Variants in SPTB observed in about 807,000 individuals in gnomAD.
SPTB encodes the protein spectrin beta, erythrocytic, also known as spectrin beta chain, erythrocytic.
Under a neutral mutation model 256.2 loss-of-function variants are expected in SPTB, and 45 were observed. That is an observed-to-expected ratio of 0.18 (90% CI 0.14 to 0.23). The LOEUF is 0.23. Among genes scored for constraint, SPTB ranks in the 10% least tolerant of loss-of-function variants. The probability of loss-of-function intolerance (pLI) is 1.00; values close to 1 mark genes in which losing one functional copy is unlikely to be tolerated. For missense variants in SPTB, 2,715 were observed against 3,040.4 expected, an observed-to-expected ratio of 0.89 and a Z score of 2.52; for synonymous variants, 1,231 against 1,243.1, an observed-to-expected ratio of 0.99 and a Z score of 0.21.
chr14:64,800,936 A>G, intron 7 of SPTB, 68 bp from the exon 8 acceptor site: 2 of 1,193,880 alleles, frequency 1.7e-6, no homozygotes, highest in Non-Finnish European at 2.5e-6. Context: ...CAGAGGGTTT[A>G]TTCCCCATTC....
chr14:64,793,380 G>T lies in SPTB; in HGVS notation c.2283C>A (p.Asp761Glu). ...CTTCACCAGAGAGCAGCCGGTGGGC[G>T]TCTTGCAGCCAAGCCTTCAGGTCAT... ...DADDLKAWLQ[D>E]AHRLLSGEDV... is the part of the protein sequence containing the mutation. The change falls in exon 14 of 36, where the codon GAC becomes GAA. Residue 761 changes from aspartate to glutamate, a missense_variant. Physicochemically the swap from Asp to Glu is conservative, Grantham distance 45. Around this residue, in one of 4 missense-constraint regions of SPTB, gnomAD observed 2,239 missense variants for 2,384.4 expected, o/e 0.94. Coordinates refer to ENST00000644917, the MANE Select transcript of SPTB (RefSeq NM_001355436.2). The surrounding 1 kb of genome is among the most constrained non-coding windows in gnomAD (Gnocchi z 7.0). The T allele has an allele frequency of 6.2e-7, 1 of 1,612,858 alleles. No homozygotes were observed. The highest frequency in any genetic ancestry group is 8.5e-7 in the Non-Finnish European group (1 of 1,180,036).
chr14:64,801,211 G>T, intron 7 of SPTB, 74 bp downstream of exon 7: 1 of 1,335,284 alleles, frequency 7.5e-7, no homozygotes, highest in Non-Finnish European at 1.1e-6. Context: ...AGTCCTGGCG[G>T]CTGAGCTCCT....
chr14:64,867,056 T>C (rs1594857833), intron 1 of SPTB, among the ~76,000 whole-genome samples: 2 of 152,166 alleles, frequency 1.3e-5, no homozygotes, highest in Non-Finnish European at 2.9e-5. Flanking sequence ...GCAATAGACA[T>C]ATCTGACGAT....
At chr14:64,848,438 T>C (rs1400188623) in intron 1 of SPTB, among the ~76,000 whole-genome samples, 1 of 152,238 alleles carries the variant, frequency 6.6e-6, no homozygotes, top group Admixed American at 6.5e-5. Context: ...CCTCATCGTT[T>C]CTCTCTTGCT....
At position 64,782,434 on chromosome 14, in the gene SPTB, G is replaced by A; in HGVS notation, c.4122C>T (p.His1374=). 2 of 1,614,134 alleles carry A rather than the reference G, an allele frequency of 1.2e-6. No homozygotes were observed. Among genetic ancestry groups the A allele is most frequent in the South Asian group, 1.1e-5 (1 of 91,092 alleles). ...GGTCGGAGCTCCTGGCAGCCGAGAGGTGCTGGGTCTTCTCCTTTGTGGTGG... is the reference window on the plus strand; with the variant it reads ...GGTCGGAGCTCCTGGCAGCCGAGAGATGCTGGGTCTTCTCCTTTGTGGTGG... ...LQATTKEKTQ[H]LSAARSSDLR... The change falls in exon 20 of 36, where the codon CAC becomes CAT. Residue 1374 remains histidine, a synonymous_variant. Coordinates refer to ENST00000644917, the MANE Select transcript of SPTB (RefSeq NM_001355436.2).
intron 2 of SPTB, among the ~76,000 whole-genome samples, chr14:64,813,920 G>A (rs1225664079): frequency 1.3e-5 from 2 of 152,202 alleles, no homozygotes; most frequent in Non-Finnish European, 2.9e-5. Flanking sequence ...CAGACTCTCA[G>A]GGACACATCA....
In SPTB at chr14:64,749,506, G is replaced by T; in HGVS notation, c.6820-33C>A. The T allele has an allele frequency of 1.9e-6, 3 of 1,597,784 alleles. No homozygotes were observed. The highest frequency in any genetic ancestry group is 2.5e-6 in the Non-Finnish European group (3 of 1,177,668). On this transcript the variant is annotated intron_variant, in intron 35 of 35. Transcript: ENST00000644917. The surrounding 1 kb of genome is among the most constrained non-coding windows in gnomAD (Gnocchi z 4.7). Reference sequence around the variant, plus strand: ...GCGGAGGGTCACGGTGGAGTCTGGAGGCCCACAGCCCCCCACCTCCCGGGC... The same window carrying T: ...GCGGAGGGTCACGGTGGAGTCTGGATGCCCACAGCCCCCCACCTCCCGGGC...
chr14:64,797,416 G>A (rs922334559), intron 10 of SPTB, among the ~76,000 whole-genome samples: 8 of 134,690 alleles, frequency 5.9e-5, no homozygotes, highest in African/African-American at 2.2e-4. Flanking sequence ...GCAGTGAGCT[G>A]TGATTGTGCC....
At chr14:64,771,238 CT>C (rs2082274521) in intron 26 of SPTB, 109 bp from the exon 27 acceptor site, 4 of 1,551,506 alleles carry the variant, frequency 2.6e-6, no homozygotes, top group Non-Finnish European at 3.5e-6. Context: ...GCCCAGGGCA[CT>C]GCTGGAAGGT....
intron 9 of SPTB, 44 bp from the exon 10 acceptor site, chr14:64,797,890 T>G (rs1296264695): frequency 6.6e-7 from 1 of 1,506,876 alleles, no homozygotes; most frequent in Admixed American, 1.7e-5. Context: ...TAAGATCTCA[T>G]GGCCAAATTT....
chr14:64,803,063 T>C (rs1332063227), intron 4 of SPTB, among the ~76,000 whole-genome samples: 1 of 152,042 alleles, frequency 6.6e-6, no homozygotes, highest in Non-Finnish European at 1.5e-5. Flanking sequence ...AGTCCGCGAG[T>C]TGTATGCTCT....
chr14:64,833,465 T>C (rs369330263), intron 1 of SPTB, among the ~76,000 whole-genome samples: 1 of 151,862 alleles, frequency 6.6e-6, no homozygotes, highest in African/African-American at 2.4e-5. Context: ...GGTGGGAGAA[T>C]TACTTGAACC....
chr14:64,765,814 GTGTGTGA>G (rs2082162054), intron 32 of SPTB, among the ~76,000 whole-genome samples: 19 of 148,122 alleles, frequency 1.3e-4, no homozygotes, highest in South Asian at 4.3e-4. Context: ...GGGTGTGTGT[GTGTGTGA>G]GTGTGTGTGT....
chr14:64,767,887 C>G, intron 29 of SPTB, 28 bp from the exon 30 acceptor site: 1 of 1,611,206 alleles, frequency 6.2e-7, no homozygotes, highest in South Asian at 1.1e-5. Flanking sequence ...ACACAGACCC[C>G]CCACAAGGCC....
Position 64,844,964 on chromosome 14 carries a change from C to T in SPTB, c.-51-21819G>A, listed in dbSNP as rs368163804. Among the ~76,000 whole-genome samples the T allele has an allele frequency of 6.6e-6, 1 of 152,212 alleles. No homozygotes were observed. The highest frequency in any genetic ancestry group is 1.9e-4 in the East Asian group (1 of 5,204). ...ATTGTTAACCTGACCAGAAATAAGA[C>T]CCAGAATCTCAAGTCTTTGAGCTCT... On this transcript the variant is annotated intron_variant, in intron 1 of 35. Transcript: ENST00000644917. The surrounding 1 kb of genome is among the most constrained non-coding windows in gnomAD (Gnocchi z 4.1).
At chr14:64,767,068 C>T (rs545924993) in intron 31 of SPTB, among the ~76,000 whole-genome samples, 27 of 152,328 alleles carry the variant, frequency 1.8e-4, no homozygotes, top group African/African-American at 5.8e-4. Context: ...GGGGCCTCGC[C>T]TGGCAGCCAC....
At position 64,866,488 on chromosome 14, in the gene SPTB, AC is replaced by A. The variant is rs954414006; in HGVS notation, c.-52+13303del. ...CCTTCCGCTTATCAGTTCATCTCAG[AC>A]CCCACCACATACTCAGAGGCCTCGT... On this transcript the variant is annotated intron_variant, in intron 1 of 35. Transcript: ENST00000644917. This position sits in a 1 kb window ranked among gnomAD's most constrained non-coding sequence, Gnocchi z 4.6. Among the ~76,000 whole-genome samples the A allele has an allele frequency of 6.6e-5, 10 of 151,698 alleles. No homozygotes were observed. Among genetic ancestry groups the A allele is most frequent in the African/African-American group, 2.4e-4 (10 of 41,240 alleles).
In SPTB at chr14:64,790,683, T is replaced by C. The variant is rs955643971; in HGVS notation, c.2804+1036A>G. The stretch of plus-strand genomic sequence containing the variant: ...TCTTCCCTAGGCCCACCTCCCAGAT[T>C]GCCTCAGGCAGAGCAACGCTCAGGC... On this transcript the variant is annotated intron_variant, in intron 15 of 35. Coordinates refer to ENST00000644917, the MANE Select transcript of SPTB (RefSeq NM_001355436.2). The surrounding 1 kb of genome is among the most constrained non-coding windows in gnomAD (Gnocchi z 4.8). 2.0e-5 allele frequency among the ~76,000 whole-genome samples: 3 copies of C among 152,196 alleles called. No homozygotes were observed. The highest frequency in any genetic ancestry group is 4.4e-5 in the Non-Finnish European group (3 of 68,024).
In SPTB at chr14:64,773,260, G is replaced by A. The variant is rs778444104; in HGVS notation, c.5138C>T (p.Ala1713Val). 1 of 1,614,198 alleles carries A rather than the reference G, an allele frequency of 6.2e-7. No individual in the cohort carries two copies. The highest frequency in any genetic ancestry group is 1.1e-5 in the South Asian group (1 of 91,086). ...EQWISEKELV[A>V]SSPEMGQDFD... ...GTCTTGCCCCATTTCCGGGGAAGAG[G>A]CCACTAGCTCCTTTTCTGAAATCCA... The change falls in exon 25 of 36, where the codon GCC becomes GTC. Residue 1713 changes from alanine to valine, a missense_variant. Physicochemically the swap from Ala to Val is moderately conservative, Grantham distance 64. Transcript: ENST00000644917.
Sources: allele counts gnomAD v4.1 joint callset (sites outside exome capture counted in the v4.1 genomes callset), GRCh38; gene constraint gnomAD v4.1.1; regional missense constraint gnomAD v4.1.1; non-coding constraint Gnocchi (gnomAD v3.1); transcripts MANE v1.5; gene names NCBI Gene and HGNC (gene_info 2026-07-23, HGNC 2026-07-21).